Variants in TCF7L1 observed in about 807,000 individuals in gnomAD.
TCF7L1 encodes transcription factor 7-like 1.
TCF7L1 carries 18 observed loss-of-function variants against 63.7 expected under a neutral mutation model. The observed-to-expected ratio is 0.28, with a 90% CI of 0.20 to 0.42. The LOEUF (loss-of-function observed/expected upper bound fraction) is 0.42, where lower values mean the gene tolerates loss of function less well. Ranked by LOEUF, TCF7L1 falls within the 10% of genes least tolerant of loss-of-function variation. TCF7L1 has a pLI of 1.00. For synonymous variants in TCF7L1, 355 were observed against 340.9 expected, an observed-to-expected ratio of 1.04 and a Z score of -0.46; for missense variants, 654 against 779.3, an observed-to-expected ratio of 0.84 and a Z score of 1.91.
chr2:85,215,632 G>A (rs964244220), intron 3 of TCF7L1, among the ~76,000 whole-genome samples: 2 of 152,104 alleles, frequency 1.3e-5, no homozygotes, highest in Non-Finnish European at 2.9e-5. Flanking sequence ...TGGGAGCACT[G>A]TGATTTATAG....
chr2:85,225,564 T>G (rs1452922243), intron 3 of TCF7L1, among the ~76,000 whole-genome samples: 1 of 152,220 alleles, frequency 6.6e-6, no homozygotes, highest in Non-Finnish European at 1.5e-5. Flanking sequence ...TCACTCATGA[T>G]TTGGCTCTCT....
intron 3 of TCF7L1, among the ~76,000 whole-genome samples, chr2:85,204,676 A>C (rs918258107): frequency 9.9e-5 from 15 of 152,260 alleles, no homozygotes; most frequent in Admixed American, 3.3e-4. Context: ...CACCACGCCC[A>C]GCTAGCATTT....
chr2:85,306,168 C>T lies in TCF7L1; in HGVS notation c.990-38C>T, dbSNP rs1682103699. The T allele has an allele frequency of 1.9e-6, 3 of 1,612,460 alleles. No homozygotes were observed. The highest frequency in any genetic ancestry group is 3.3e-5 in the Admixed American group (2 of 59,896). The stretch of plus-strand genomic sequence containing the variant: ...AGGTGGGGATTGATGAGTTGTGTGA[C>T]ACCTGACATGCTAACCTACAACCAC... On this transcript the variant is annotated intron_variant, in intron 8 of 11. Coordinates refer to ENST00000282111, the MANE Select transcript of TCF7L1 (RefSeq NM_031283.3). This position sits in a 1 kb window ranked among gnomAD's most constrained non-coding sequence, Gnocchi z 4.3.
intron 4 of TCF7L1, among the ~76,000 whole-genome samples, chr2:85,291,997 T>TTTTTTTTC (rs1681728020): frequency 1.5e-4 from 1 of 6,618 alleles, no homozygotes. Context: ...ATATGTATTT[T>TTTTTTTTC]TTTTTTTTTT....
intron 3 of TCF7L1, among the ~76,000 whole-genome samples, chr2:85,261,461 T>C (rs1452504217): frequency 6.6e-6 from 1 of 152,214 alleles, no homozygotes; most frequent in South Asian, 2.1e-4. Context: ...GGAAGAGGAC[T>C]TTGTGAAGTG....
intron 3 of TCF7L1, among the ~76,000 whole-genome samples, chr2:85,141,878 C>T (rs919645964): frequency 6.6e-6 from 1 of 152,172 alleles, no homozygotes; most frequent in African/African-American, 2.4e-5. Flanking sequence ...GACCAGATGG[C>T]TTCTTGGTAT....
At chr2:85,172,387 C>G (rs1410931449) in intron 3 of TCF7L1, among the ~76,000 whole-genome samples, 1 of 152,232 alleles carries the variant, frequency 6.6e-6, no homozygotes, top group Non-Finnish European at 1.5e-5. Flanking sequence ...TCTTGTCACA[C>G]AGCCTTTCAC....
At chr2:85,257,873 T>G (rs962941039) in intron 3 of TCF7L1, among the ~76,000 whole-genome samples, 7 of 152,236 alleles carry the variant, frequency 4.6e-5, no homozygotes, top group African/African-American at 1.7e-4. Context: ...TCATGGTTCC[T>G]TCCGGCTCTT....
intron 3 of TCF7L1, among the ~76,000 whole-genome samples, chr2:85,160,753 G>A (rs868180965): frequency 9.2e-5 from 14 of 152,244 alleles, no homozygotes; most frequent in Middle Eastern, 6.8e-3. Flanking sequence ...TCAGGAGGCC[G>A]AGGTGGGAGG....
rs965214485 is a variant in TCF7L1 at position 85,213,960 on chromosome 2, G to A, written c.442-69535G>A. ...GGTGTCCCACTGTGCATGGATGGGG[G>A]GCTTCCTCCCACCCCAGTGGGATGC... On this transcript the variant is annotated intron_variant, in intron 3 of 11. Coordinates refer to ENST00000282111, the MANE Select transcript of TCF7L1 (RefSeq NM_031283.3). Among the ~76,000 whole-genome samples the A allele has an allele frequency of 2.0e-5, 3 of 152,180 alleles. No homozygotes were observed. In the South Asian group the frequency reaches 6.2e-4, roughly 32 times the overall value.
intron 3 of TCF7L1, among the ~76,000 whole-genome samples, chr2:85,150,236 CTTT>C (rs777018512): frequency 1.4e-5 from 2 of 142,200 alleles, no homozygotes. Context: ...GTTCTTGACT[CTTT>C]TTTTTTTTTT....
At chr2:85,165,691 T>A (rs181919662) in intron 3 of TCF7L1, among the ~76,000 whole-genome samples, 1 of 152,282 alleles carries the variant, frequency 6.6e-6, no homozygotes, top group African/African-American at 2.4e-5. Flanking sequence ...GATGTGAAAA[T>A]AATCTGCTGT....
chr2:85,188,218 T>C (rs768748377), intron 3 of TCF7L1, among the ~76,000 whole-genome samples: 1 of 152,154 alleles, frequency 6.6e-6, no homozygotes, highest in Non-Finnish European at 1.5e-5. Flanking sequence ...ATTGTGGTTG[T>C]TACACAAAGC....
chr2:85,144,747 G>GTGTA (rs1313385022), intron 3 of TCF7L1, among the ~76,000 whole-genome samples: 3 of 147,760 alleles, frequency 2.0e-5, no homozygotes, highest in Admixed American at 6.7e-5. Context: ...GTGTGTGTGT[G>GTGTA]TGTATGTGTG....
intron 3 of TCF7L1, among the ~76,000 whole-genome samples, chr2:85,273,335 G>A (rs905739475): frequency 6.6e-6 from 1 of 152,110 alleles, no homozygotes; most frequent in African/African-American, 2.4e-5. Context: ...CCCCATCCCC[G>A]CCATCCAGCA....
At chr2:85,286,139 C>T (rs973068178) in intron 4 of TCF7L1, among the ~76,000 whole-genome samples, 15 of 143,532 alleles carry the variant, frequency 1.0e-4, no homozygotes, top group Admixed American at 9.4e-4. Context: ...TGCAGTGAGC[C>T]GAGATTGTGC....
intron 4 of TCF7L1, among the ~76,000 whole-genome samples, chr2:85,289,457 G>A (rs183941071): frequency 6.7e-4 from 102 of 152,242 alleles, no homozygotes; most frequent in African/African-American, 2.4e-3. Flanking sequence ...ATATTCAGGG[G>A]TTTTTTAATG....
At position 85,151,583 on chromosome 2, in the gene TCF7L1, G is replaced by C. The variant is rs572933736; in HGVS notation, c.441+17133G>C. Among the ~76,000 whole-genome samples the C allele has an allele frequency of 5.7e-4, 87 of 152,124 alleles. 1 individual carries two copies. The highest frequency in any genetic ancestry group is 1.0e-3 in the Non-Finnish European group (70 of 67,992). On this transcript the variant is annotated intron_variant, in intron 3 of 11. Transcript: ENST00000282111. ...GATAGTCTATTTGTATCATTCCCTT[G>C]TCTATCAGTTATAATATTTTTAAAA...
rs374933153 is a variant in TCF7L1, at chr2:85,306,198, C to T, written c.990-8C>T. ...GACATGCTAACCTACAACCACGTGC[C>T]TTCCCAGGAAATCACCAGTCACCGT... On this transcript the variant is annotated splice_region_variant and splice_polypyrimidine_tract_variant and intron_variant, in intron 8 of 11. Coordinates refer to ENST00000282111, the MANE Select transcript of TCF7L1 (RefSeq NM_031283.3). This position sits in a 1 kb window ranked among gnomAD's most constrained non-coding sequence, Gnocchi z 4.3. The T allele has an allele frequency of 4.2e-5, 67 of 1,614,012 alleles. No individual in the cohort carries two copies. The highest frequency in any genetic ancestry group is 5.5e-5 in the Non-Finnish European group (65 of 1,180,024).
Sources: allele counts gnomAD v4.1 joint callset (sites outside exome capture counted in the v4.1 genomes callset), GRCh38; gene constraint gnomAD v4.1.1; non-coding constraint Gnocchi (gnomAD v3.1); transcripts MANE v1.5; gene names NCBI Gene and HGNC (gene_info 2026-07-23, HGNC 2026-07-21).